Variants in HERC1 observed in about 807,000 individuals in gnomAD.
The protein encoded by HERC1 is HECT and RLD domain containing E3 ubiquitin protein ligase family member 1, also known as probable E3 ubiquitin-protein ligase HERC1.
In HERC1, 160 loss-of-function variants were observed where a neutral mutation model predicts 554.3. That is an observed-to-expected ratio of 0.29 (90% CI 0.25 to 0.33). The LOEUF (loss-of-function observed/expected upper bound fraction) is 0.33, where lower values mean the gene tolerates loss of function less well. Ranked by LOEUF, HERC1 falls within the 10% of genes least tolerant of loss-of-function variation. The pLI is 1.00. For synonymous variants in HERC1, 2,175 were observed against 2,131.7 expected (o/e 1.02, Z -0.56); for missense variants, 4,919 against 5,918.5 (o/e 0.83, Z 5.54).
intron 1 of HERC1, among the ~76,000 whole-genome samples, chr15:63,807,784 C>G (rs1006211845): frequency 1.3e-5 from 2 of 152,114 alleles, no homozygotes; most frequent in African/African-American, 4.8e-5. Context: ...ATGTTCAATC[C>G]TACCTTTGTG....
In HERC1 at chr15:63,612,666, C is replaced by T; in HGVS notation, c.14095-110G>A. 4 of 1,029,658 alleles carry T rather than the reference C, an allele frequency of 3.9e-6. No homozygotes were observed. The highest frequency in any genetic ancestry group is 5.5e-6 in the Non-Finnish European group (4 of 721,526). The allele number at this position is 1,029,658 out of a possible 1,614,324, so 63.8% of individuals were successfully genotyped here. The stretch of plus-strand genomic sequence containing the variant: ...ATGCCTGCTCGTCCGCTCCCCAGAC[C>T]CTCTACTTGTTTCTCAGACCGCCAG... On this transcript the variant is annotated intron_variant, in intron 76 of 77. Coordinates refer to ENST00000443617, the MANE Select transcript of HERC1 (RefSeq NM_003922.4). The surrounding 1 kb of genome is among the most constrained non-coding windows in gnomAD (Gnocchi z 5.0).
chr15:63,747,988 G>A, intron 10 of HERC1, 130 bp from the exon 11 acceptor site: 1 of 851,380 alleles, frequency 1.2e-6, no homozygotes, highest in African/African-American at 1.7e-5. Context: ...CACTTTGGGA[G>A]GCCAAGGAAT....
At chr15:63,630,728 G>A (rs1234974785) in intron 68 of HERC1, 93 bp from the exon 69 acceptor site, 1 of 1,284,098 alleles carries the variant, frequency 7.8e-7, no homozygotes, top group African/African-American at 1.5e-5. Flanking sequence ...GCTTATTATG[G>A]TGGAATGGCA....
At chr15:63,732,616 G>A (rs1251224675) in intron 14 of HERC1, among the ~76,000 whole-genome samples, 1 of 152,174 alleles carries the variant, frequency 6.6e-6, no homozygotes, top group Non-Finnish European at 1.5e-5. Context: ...TTCATTATAA[G>A]ATTATAACTG....
In HERC1 at chr15:63,626,174, G is replaced by T; in HGVS notation, c.13106-20C>A. 6.2e-7 allele frequency: 1 copy of T among 1,608,242 alleles called. No individual in the cohort carries two copies. The highest frequency in any genetic ancestry group is 8.5e-7 in the Non-Finnish European group (1 of 1,178,476). Reference sequence around the variant, plus strand: ...ACACACCTGTCCAGAAAGCAAATGGGCACTTATGAAGGAAACAGCATTGCT... The same window carrying T: ...ACACACCTGTCCAGAAAGCAAATGGTCACTTATGAAGGAAACAGCATTGCT... On this transcript the variant is annotated intron_variant, in intron 70 of 77. Coordinates refer to ENST00000443617, the MANE Select transcript of HERC1 (RefSeq NM_003922.4).
At chr15:63,633,316 C>T (rs1252222260) in intron 67 of HERC1, among the ~76,000 whole-genome samples, 3 of 152,308 alleles carry the variant, frequency 2.0e-5, no homozygotes, top group Middle Eastern at 3.4e-3. Flanking sequence ...TTGTGAAATA[C>T]GTCAGGAAAA....
At chr15:63,669,098 A>G (rs1368836732) in intron 40 of HERC1, among the ~76,000 whole-genome samples, 2 of 152,266 alleles carry the variant, frequency 1.3e-5, no homozygotes, top group Non-Finnish European at 2.9e-5. Flanking sequence ...ATTAGAAAGC[A>G]GTAACAAAAC....
At chr15:63,663,263 C>T (rs969607776) in intron 43 of HERC1, 59 bp from the exon 44 acceptor site, 15 of 1,463,794 alleles carry the variant, frequency 1.0e-5, no homozygotes, top group Admixed American at 3.5e-5. Context: ...CTGAATATTT[C>T]GCCAGTTCTT....
intron 1 of HERC1, among the ~76,000 whole-genome samples, chr15:63,788,282 T>C (rs1257966173): frequency 1.3e-5 from 2 of 152,164 alleles, no homozygotes; most frequent in Non-Finnish European, 2.9e-5. Flanking sequence ...CAATGAAGGA[T>C]GCATTTCAAA....
At chr15:63,781,067 G>A (rs1390394435) in intron 1 of HERC1, among the ~76,000 whole-genome samples, 2 of 152,100 alleles carry the variant, frequency 1.3e-5, no homozygotes, top group Non-Finnish European at 2.9e-5. Flanking sequence ...AGTATCATCT[G>A]TTAGGTAATA....
At chr15:63,647,550 A>C (rs1311083670) in intron 55 of HERC1, among the ~76,000 whole-genome samples, 2 of 152,230 alleles carry the variant, frequency 1.3e-5, no homozygotes, top group Admixed American at 1.3e-4. Flanking sequence ...GCCTGCACTC[A>C]TACATTTATC....
At position 63,637,901 on chromosome 15, in the gene HERC1, G is replaced by C. The variant is rs11635351; in HGVS notation, c.12094-258C>G. On this transcript the variant is annotated intron_variant, in intron 63 of 77. Coordinates refer to ENST00000443617, the MANE Select transcript of HERC1 (RefSeq NM_003922.4). ...CAAAATGGATGAAAGAAAAAGGAAG[G>C]GGTGATGGGGAAACATTAAAGACTG... 0.44 allele frequency among the ~76,000 whole-genome samples: 66,621 copies of C among 152,012 alleles called. 15,771 individuals carry two copies. Among genetic ancestry groups the C allele is most frequent in the Non-Finnish European group, 0.54 (36,499 of 67,962 alleles).
intron 12 of HERC1, among the ~76,000 whole-genome samples, chr15:63,740,881 T>C (rs2074770897): frequency 6.6e-6 from 1 of 152,212 alleles, no homozygotes; most frequent in Admixed American, 6.5e-5. Flanking sequence ...GCTGTCTTCA[T>C]TTTCTTGAAA....
intron 25 of HERC1, among the ~76,000 whole-genome samples, chr15:63,704,867 T>C (rs1485212627): frequency 2.0e-5 from 3 of 150,792 alleles, no homozygotes; most frequent in East Asian, 4.0e-4. Context: ...GCCTCCCGAA[T>C]AGCCAGGACT....
chr15:63,648,104 C>G lies in HERC1; in HGVS notation c.10843G>C (p.Glu3615Gln), dbSNP rs1339727571. The change falls in exon 55 of 78, where the codon GAG becomes CAG. Residue 3615 changes from glutamate to glutamine, a missense_variant. By Grantham distance (29) the Glu-to-Gln change is conservative. This residue lies in a region of HERC1 where 1,963 missense variants were observed against 2,228.6 expected (regional missense o/e 0.88). Coordinates refer to ENST00000443617, the MANE Select transcript of HERC1 (RefSeq NM_003922.4). Reference protein sequence around the residue: ...KLLLGTKEPLEKGGIVLIDAH... With the variant: ...KLLLGTKEPLQKGGIVLIDAH... ...TCAATTAGAACAATGCCTCCTTTCT[C>G]AAGTGGTTCCTTTGTTCCCAGTAAC... 6.4e-7 allele frequency: 1 copy of G among 1,567,866 alleles called. No homozygotes were observed. The highest frequency in any genetic ancestry group is 8.7e-7 in the Non-Finnish European group (1 of 1,154,444).
intron 32 of HERC1, among the ~76,000 whole-genome samples, chr15:63,690,227 C>A (rs894137571): frequency 1.3e-5 from 2 of 150,266 alleles, no homozygotes; most frequent in African/African-American, 4.9e-5. Flanking sequence ...TTTTGCCTTA[C>A]TATTTAGACC....
chr15:63,635,259 G>A (rs1233291472), intron 65 of HERC1, among the ~76,000 whole-genome samples: 1 of 152,048 alleles, frequency 6.6e-6, no homozygotes, highest in African/African-American at 2.4e-5. Flanking sequence ...ATGTTGTCTA[G>A]GCTGGTCTCA....
chr15:63,712,578 A>G (rs2073355513), intron 24 of HERC1, among the ~76,000 whole-genome samples, 197 bp downstream of exon 24: 1 of 152,260 alleles, frequency 6.6e-6, no homozygotes, highest in East Asian at 1.9e-4. Context: ...GAGTTTAAAA[A>G]GAAGTCAGAA....
chr15:63,659,997 C>T (rs758237039), intron 46 of HERC1, 61 bp from the exon 47 acceptor site: 8 of 1,309,022 alleles, frequency 6.1e-6, no homozygotes, highest in Non-Finnish European at 8.6e-6. Flanking sequence ...AATCTGCTGG[C>T]AATGGTTGTT....
Sources: gnomAD v4.1 joint callset for allele counts (sites outside exome capture counted in the v4.1 genomes callset) on GRCh38, gnomAD v4.1.1 for gene constraint, gnomAD v4.1.1 regional missense constraint, Gnocchi (gnomAD v3.1) non-coding constraint, MANE v1.5 for transcripts, NCBI Gene and HGNC (gene_info 2026-07-23, HGNC 2026-07-21) for gene names.